Variants in TSC1 observed in about 807,000 individuals in gnomAD.
The protein encoded by TSC1 is hamartin.
A neutral mutation model predicts 124.3 loss-of-function variants in TSC1; 20 were observed. The ratio of observed to expected loss-of-function variants is 0.16; its 90% CI spans 0.11 to 0.23. The LOEUF is 0.23. Ranked by LOEUF, TSC1 falls within the 10% of genes least tolerant of loss-of-function variation. TSC1 has a pLI of 1.00. For synonymous variants in TSC1, 493 were observed against 539.1 expected (o/e 0.91, Z 1.19); for missense variants, 1,124 against 1,448.5 (o/e 0.78, Z 3.64).
In TSC1 at chr9:132,896,638, C is replaced by T. The variant is rs1845079425; in HGVS notation, c.3092G>A (p.Gly1031Glu). The change falls in exon 23 of 23, where the codon GGA (glycine) becomes GAA (glutamate). Residue 1031 changes from glycine to glutamate, a missense_variant. Gly to Glu is a moderately conservative substitution (Grantham distance 98). Transcript: ENST00000298552. This position sits in a 1 kb window ranked among gnomAD's most constrained non-coding sequence, Gnocchi z 4.5. ...GCTGCTGCCTCCACCACCTCTGCTT[C>T]CACTACTGCCCCGGGCGCTGCTGGG... ...PRPSSARGSS[G>E]SRGGGGSSSS... 13 of 1,613,774 alleles carry T rather than the reference C, an allele frequency of 8.1e-6. No homozygotes were observed. The highest frequency in any genetic ancestry group is 1.7e-5 in the Admixed American group (1 of 59,982).
chr9:132,901,688 C>T lies in TSC1; in HGVS notation c.2403G>A (p.Glu801=), dbSNP rs2131709576. ...GCTCCGCAATCATGTTCCTGCAGTC[C>T]TCCAGCTTCGTCTGCCCAAAGAGAC... is the stretch of plus-strand genomic sequence containing the variant. ...NQSQELQTKL[E]DCRNMIAELR... Residue 801 remains glutamate, a synonymous_variant, in exon 19 of 23, where the codon GAG becomes GAA. Transcript: ENST00000298552. The T allele has an allele frequency of 6.2e-7, 1 of 1,613,936 alleles. No individual in the cohort carries two copies.
At position 132,935,778 on chromosome 9, in the gene TSC1, G is replaced by C. The variant is rs150159388; in HGVS notation, c.-143-683C>G. On this transcript the variant is annotated intron_variant, in intron 1 of 22. Transcript: ENST00000298552. ...ATGCTCCCCATTCCTGAGCCTAAGA[G>C]AGTCTACCTTTGGCTCCTCCTAAAC... Among the ~76,000 whole-genome samples, 260 of 152,258 alleles carry C rather than the reference G, an allele frequency of 1.7e-3. 3 individuals are homozygous for C. Among genetic ancestry groups the C allele is most frequent in the African/African-American group, 6.2e-3 (256 of 41,546 alleles).
Position 132,906,983 on chromosome 9 carries a change from C to T in TSC1, c.1334-148G>A, listed in dbSNP as rs1564483696. The stretch of plus-strand genomic sequence containing the variant: ...ACATGGCTCTGTCCTGGGGATACTA[C>T]AAAAGACTGAAATATTAAAAATAAT... On this transcript the variant is annotated intron_variant, in intron 13 of 22. Coordinates refer to ENST00000298552, the MANE Select transcript of TSC1 (RefSeq NM_000368.5). This position sits in a 1 kb window ranked among gnomAD's most constrained non-coding sequence, Gnocchi z 4.1. The T allele has an allele frequency of 4.3e-6, 3 of 697,066 alleles. No homozygotes were observed. The highest frequency in any genetic ancestry group is 1.8e-5 in the African/African-American group (1 of 55,344). 43.2% of individuals were successfully genotyped at this position (697,066 alleles called of 1,614,324 possible).
chr9:132,925,602 T>G lies in TSC1; in HGVS notation c.348A>C (p.Leu116Phe), dbSNP rs755799702. 1 of 1,614,082 alleles carries G rather than the reference T, an allele frequency of 6.2e-7. No homozygotes were observed. Among genetic ancestry groups the G allele is most frequent in the Non-Finnish European group, 8.5e-7 (1 of 1,180,044 alleles). ...AACATCCTACCTTGAGACATTTTAGTAAAGAAGGCAAAAGAGGTGCTTGAG... is the reference window on the plus strand; with the variant it reads ...AACATCCTACCTTGAGACATTTTAGGAAAGAAGGCAAAAGAGGTGCTTGAG... The part of the protein sequence containing the change: ...KLSQAPLLPS[L>F]LKCLKMDTDV... The change falls in exon 5 of 23, where the codon TTA becomes TTC. Residue 116 changes from leucine (L) to phenylalanine (F), a missense_variant. This residue lies in a region of TSC1 where 463 missense variants were observed against 606.8 expected (regional missense o/e 0.76). Coordinates refer to ENST00000298552, the MANE Select transcript of TSC1 (RefSeq NM_000368.5).
intron 10 of TSC1, 91 bp from the exon 11 acceptor site, chr9:132,911,204 T>C: frequency 8.8e-7 from 1 of 1,138,600 alleles, no homozygotes; most frequent in Admixed American, 1.8e-5. Flanking sequence ...AGCTTAAATT[T>C]AGCTTTTTCA....
chr9:132,907,039 G>A (rs1845710900), intron 13 of TSC1, among the ~76,000 whole-genome samples: 1 of 152,076 alleles, frequency 6.6e-6, no homozygotes, highest in African/African-American at 2.4e-5. Flanking sequence ...TAATCCCATA[G>A]CAAATAAAAT....
At chr9:132,933,202 A>C (rs1311002221) in intron 2 of TSC1, among the ~76,000 whole-genome samples, 3 of 152,148 alleles carry the variant, frequency 2.0e-5, no homozygotes, top group Non-Finnish European at 4.4e-5. Context: ...AGTAGCTGAG[A>C]TTATAGGCGC....
chr9:132,940,780 A>G (rs1375588115), intron 1 of TSC1: 1 of 152,218 alleles, frequency 6.6e-6, no homozygotes, highest in Admixed American at 6.5e-5. Context: ...ACTACTTCAC[A>G]AAAATGGATT....
intron 10 of TSC1, 29 bp from the exon 11 acceptor site, chr9:132,911,142 T>C (rs1312261200): frequency 5.1e-6 from 8 of 1,561,308 alleles, no homozygotes; most frequent in East Asian, 4.5e-5. Context: ...ACATCAGCAG[T>C]GGCAAAGGAA....
At chr9:132,922,041 A>G (rs1397291121) in intron 6 of TSC1, 68 bp from the exon 7 acceptor site, 3 of 1,599,532 alleles carry the variant, frequency 1.9e-6, no homozygotes, top group Admixed American at 3.3e-5. Flanking sequence ...AAACAGCTAT[A>G]AACAAGTGGC....
chr9:132,921,531 C>G lies in TSC1; in HGVS notation c.664-95G>C. 7.1e-7 allele frequency: 1 copy of G among 1,406,932 alleles called. No individual in the cohort carries two copies. The highest frequency in any genetic ancestry group is 1.0e-6 in the Non-Finnish European group (1 of 997,624). 87.2% of individuals were successfully genotyped at this position (1,406,932 alleles called of 1,614,324 possible). A position where few individuals can be genotyped will look rare whatever the true frequency, so the allele number is the denominator to read the frequency against. On this transcript the variant is annotated intron_variant, in intron 7 of 22. Coordinates refer to ENST00000298552, the MANE Select transcript of TSC1 (RefSeq NM_000368.5). The surrounding 1 kb of genome is among the most constrained non-coding windows in gnomAD (Gnocchi z 4.3). Reference sequence around the variant, plus strand: ...GTTGACAATTAAAAGGAATGAAGTACTGATACATGTTATAACACAGATGGA... The same window carrying G: ...GTTGACAATTAAAAGGAATGAAGTAGTGATACATGTTATAACACAGATGGA...
chr9:132,925,897 G>A (rs1042107720), intron 4 of TSC1, 158 bp from the exon 5 acceptor site: 24 of 965,682 alleles, frequency 2.5e-5, no homozygotes, highest in Admixed American at 4.7e-5. Flanking sequence ...TAAAAACCAC[G>A]TTAGCAAACA....
chr9:132,924,135 T>C (rs1341774270), intron 5 of TSC1, among the ~76,000 whole-genome samples: 3 of 152,158 alleles, frequency 2.0e-5, no homozygotes, highest in African/African-American at 7.2e-5. Flanking sequence ...TCAGGCTAAC[T>C]GAAGACACTT....
chr9:132,932,577 A>G (rs1009258497), intron 2 of TSC1, among the ~76,000 whole-genome samples: 1 of 152,208 alleles, frequency 6.6e-6, no homozygotes, highest in African/African-American at 2.4e-5. Context: ...GGAATTAATA[A>G]GAGCCAATAA....
intron 2 of TSC1, among the ~76,000 whole-genome samples, chr9:132,930,914 G>C (rs1298687685): frequency 6.6e-6 from 1 of 152,160 alleles, no homozygotes; most frequent in Admixed American, 6.5e-5. Context: ...ACCACCGTTG[G>C]TAAGATTCTA....
At chr9:132,934,152 C>T (rs1246162068) in intron 2 of TSC1, among the ~76,000 whole-genome samples, 2 of 152,180 alleles carry the variant, frequency 1.3e-5, no homozygotes, top group South Asian at 2.1e-4. Context: ...CACTGAGCCT[C>T]GGCATGAGTC....
chr9:132,901,406 A>C (rs112905338), intron 19 of TSC1, among the ~76,000 whole-genome samples, 183 bp downstream of exon 19: 42 of 152,338 alleles, frequency 2.8e-4, no homozygotes, highest in African/African-American at 8.4e-4. Context: ...CAGCACCAAA[A>C]ACATGAACCT....
At position 132,892,985 on chromosome 9, in the gene TSC1, C is replaced by G. The variant is rs1329276776; in HGVS notation, c.*3250G>C. 1 of 233,192 alleles carries G rather than the reference C, an allele frequency of 4.3e-6. No individual in the cohort carries two copies. The highest frequency in any genetic ancestry group is 1.8e-4 in the South Asian group (1 of 5,530). 14.4% of individuals were successfully genotyped at this position (233,192 alleles called of 1,614,324 possible). ...GTCTGGAGTTTTGTTCCCTGCTGCCCTGCTTTTACCCAGTAATGTGCGGCA... is the reference window on the plus strand; with the variant it reads ...GTCTGGAGTTTTGTTCCCTGCTGCCGTGCTTTTACCCAGTAATGTGCGGCA... On this transcript the variant is annotated 3_prime_UTR_variant, in exon 23 of 23. Transcript: ENST00000298552.
At position 132,943,294 on chromosome 9, in the gene TSC1, T is replaced by C. The variant is rs138258326; in HGVS notation, c.-144+1249A>G. On this transcript the variant is annotated intron_variant, in intron 1 of 22. Transcript: ENST00000298552. Reference sequence around the variant, plus strand: ...TTCTTTCTTCAGTAAACTCATCAGTTTTATTAAACTATCAAATACTTTTTA... The same window carrying C: ...TTCTTTCTTCAGTAAACTCATCAGTCTTATTAAACTATCAAATACTTTTTA... Among the ~76,000 whole-genome samples the C allele has an allele frequency of 4.6e-3, 689 of 151,170 alleles. 4 individuals are homozygous for C. The highest frequency in any genetic ancestry group is 0.023 in the East Asian group (118 of 5,166).
Sources: allele counts gnomAD v4.1 joint callset (sites outside exome capture counted in the v4.1 genomes callset), GRCh38; gene constraint gnomAD v4.1.1; regional missense constraint gnomAD v4.1.1; non-coding constraint Gnocchi (gnomAD v3.1); transcripts MANE v1.5; gene names NCBI Gene and HGNC (gene_info 2026-07-23, HGNC 2026-07-21).